Variants in TCF20 observed in about 807,000 individuals in gnomAD.
TCF20 encodes the protein transcription factor 20.
Under a neutral mutation model 148.6 loss-of-function variants are expected in TCF20, and 3 were observed. The ratio of observed to expected loss-of-function variants is 0.02; its 90% confidence interval spans 0.01 to 0.05. The LOEUF is 0.05. Among genes scored for constraint, TCF20 ranks in the 10% least tolerant of loss-of-function variants. The pLI, the probability that TCF20 is intolerant of heterozygous loss-of-function variation, is 1.00. For synonymous variants in TCF20, 1,049 were observed against 909.5 expected (o/e 1.15, Z -2.76); for missense variants, 2,350 against 2,429.3 (o/e 0.97, Z 0.69).
rs142330661 is a variant in TCF20, at chr22:42,210,737, C to T, written c.4569G>A (p.Pro1523=). 166 of 1,614,188 alleles carry T rather than the reference C, an allele frequency of 1.0e-4. No individual in the cohort carries two copies. The highest frequency in any genetic ancestry group is 5.7e-4 in the Admixed American group (34 of 60,024). ...EKENDTVTIS[P]KQEGFPPKGY... The stretch of plus-strand genomic sequence containing the variant: ...CCTTTGGAGGGAAACCCTCTTGCTT[C>T]GGTGAAATCGTCACTGTATCGTTCT... The change falls in exon 2 of 6, where the codon CCG becomes CCA. Residue 1523 remains proline (P), a synonymous_variant. Transcript: ENST00000677622. The surrounding 1 kb of genome is among the most constrained non-coding windows in gnomAD (Gnocchi z 4.7).
intron 1 of TCF20, among the ~76,000 whole-genome samples, chr22:42,339,823 G>C (rs1372900143): frequency 6.6e-6 from 1 of 152,212 alleles, no homozygotes. Context: ...GATGCTCACG[G>C]AGCCAGCCTG....
intron 1 of TCF20, among the ~76,000 whole-genome samples, chr22:42,235,045 G>A (rs903315746): frequency 6.6e-6 from 1 of 151,890 alleles, no homozygotes; most frequent in African/African-American, 2.4e-5. Context: ...GGGAGGCTGA[G>A]GCAGGAGAAT....
At chr22:42,167,501 G>A (rs1935859558) in intron 5 of TCF20, among the ~76,000 whole-genome samples, 1 of 151,824 alleles carries the variant, frequency 6.6e-6, no homozygotes, top group Admixed American at 6.6e-5. Context: ...TCCTGTAGCA[G>A]CAAGTGCCAC....
rs559584199 is a variant in TCF20 at position 42,189,886 on chromosome 22, CAA to C, written c.5656-10186_5656-10185del. Among the ~76,000 whole-genome samples, 24 of 152,140 alleles carry C rather than the reference CAA, an allele frequency of 1.6e-4. 1 individual carries two copies. The South Asian group carries it at 5.0e-3, about 32-fold the overall frequency. ...ACCTCAAATTTAGGCAGTCTAAAAA[CAA>C]AGACAAGAAATAAGGAAAAGAGAGA... On this transcript the variant is annotated intron_variant, in intron 2 of 5. Transcript: ENST00000677622.
rs1160041530 is a variant in TCF20 at position 42,270,622 on chromosome 22, T to TC, written c.-321dup. Reference sequence around the variant, plus strand: ...GAAAGCGGCTGGGCTCGGGGTTTTTTCTCTCCATTCTCCCAACACACAGGA... The same window carrying TC: ...GAAAGCGGCTGGGCTCGGGGTTTTTTCCTCTCCATTCTCCCAACACACAGGA... On this transcript the variant is annotated 5_prime_UTR_variant, in exon 1 of 6. The change abolishes the stop of an existing upstream ORF in the 5' untranslated region. Transcript: ENST00000677622. Among the ~76,000 whole-genome samples, 1 of 142,558 alleles carries TC rather than the reference T, an allele frequency of 7.0e-6. No homozygotes were observed. Among genetic ancestry groups the TC allele is most frequent in the African/African-American group, 2.5e-5 (1 of 39,582 alleles). 93.5% of individuals were successfully genotyped at this position (142,558 alleles called of 152,430 possible). A position where few individuals can be genotyped will look rare whatever the true frequency, so the allele number is the denominator to read the frequency against.
intron 1 of TCF20, among the ~76,000 whole-genome samples, chr22:42,333,835 TC>T (rs1203401113): frequency 6.6e-6 from 1 of 152,124 alleles, no homozygotes; most frequent in African/African-American, 2.4e-5. Flanking sequence ...GCCTAGGGCT[TC>T]CCTCTAGGAG....
At chr22:42,262,418 G>C (rs1325709261) in intron 1 of TCF20, among the ~76,000 whole-genome samples, 1 of 152,112 alleles carries the variant, frequency 6.6e-6, no homozygotes, top group African/African-American at 2.4e-5. Flanking sequence ...CCGGGTAAAC[G>C]GTAGAGCCCC....
intron 1 of TCF20, among the ~76,000 whole-genome samples, chr22:42,308,268 A>G (rs1927470938): frequency 1.3e-5 from 2 of 152,120 alleles, no homozygotes; most frequent in South Asian, 2.1e-4. Flanking sequence ...TTGGACGTGA[A>G]GCAAGTGAGA....
Position 42,213,306 on chromosome 22 carries a change from T to A in TCF20, c.2000A>T (p.Lys667Met). The change falls in exon 2 of 6, where the codon AAG (lysine) becomes ATG (methionine). Residue 667 changes from lysine (K) to methionine (M), a missense_variant. Lys to Met is a moderately conservative substitution (Grantham distance 95). This residue lies in a region of TCF20 where 1,641 missense variants were observed against 1,662.6 expected (regional missense o/e 0.99). Transcript: ENST00000677622. ...PPGGGGSKGNKNGDNNSNHNG... is the reference protein window; with the variant it reads ...PPGGGGSKGNMNGDNNSNHNG... Reference sequence around the variant, plus strand: ...ATGGTTGGAGTTGTTATCGCCATTCTTGTTTCCTTTGCTCCCTCCTCCTCC... The same window carrying A: ...ATGGTTGGAGTTGTTATCGCCATTCATGTTTCCTTTGCTCCCTCCTCCTCC... The A allele has an allele frequency of 6.2e-7, 1 of 1,614,202 alleles. No individual in the cohort carries two copies. Among genetic ancestry groups the A allele is most frequent in the Non-Finnish European group, 8.5e-7 (1 of 1,180,050 alleles).
At chr22:42,333,001 C>T (rs1365320039) in intron 1 of TCF20, among the ~76,000 whole-genome samples, 1 of 152,220 alleles carries the variant, frequency 6.6e-6, no homozygotes, top group African/African-American at 2.4e-5. Context: ...GGAGGCTGCA[C>T]AGCTACCTAT....
At position 42,326,268 on chromosome 22, in the gene TCF20, C is replaced by T. The variant is rs367963841; in HGVS notation, c.-37+17211G>A. Among the ~76,000 whole-genome samples the T allele has an allele frequency of 1.4e-4, 21 of 152,312 alleles. No homozygotes were observed. In the East Asian group the frequency reaches 2.7e-3, roughly 20 times the overall value. On this transcript the variant is annotated intron_variant, in intron 1 of 1. Coordinates refer to the TCF20 transcript ENST00000515426. ...ACCTGAGGCCTCTGTTTCTATTGCACTGCAGCCCAACCTCACCCTCTGCCC... is the reference window on the plus strand; with the variant it reads ...ACCTGAGGCCTCTGTTTCTATTGCATTGCAGCCCAACCTCACCCTCTGCCC...
Position 42,214,253 on chromosome 22 carries a change from C to A in TCF20, c.1053G>T (p.Glu351Asp). 2 of 1,614,196 alleles carry A rather than the reference C, an allele frequency of 1.2e-6. No homozygotes were observed. The highest frequency in any genetic ancestry group is 8.5e-7 in the Non-Finnish European group (1 of 1,180,042). The stretch of plus-strand genomic sequence containing the variant: ...ACTGCATGGGGGACCTCACAGGAAC[C>A]TCAGGCTGGTTGTACTGCCCCACTT... ...QSQVGQYNQP[E>D]VPVRSPMQFH... Residue 351 changes from glutamate to aspartate, a missense_variant, in exon 2 of 6, where the codon GAG becomes GAT. Glu to Asp is a conservative substitution (Grantham distance 45). Around this residue, in one of 7 missense-constraint regions of TCF20, gnomAD observed 1,641 missense variants for 1,662.6 expected, o/e 0.99. Coordinates refer to ENST00000677622, the MANE Select transcript of TCF20 (RefSeq NM_001378418.1).
At chr22:42,263,840 G>T (rs1926146277) in intron 1 of TCF20, among the ~76,000 whole-genome samples, 1 of 152,126 alleles carries the variant, frequency 6.6e-6, no homozygotes, top group Admixed American at 6.5e-5. Context: ...GAGCCACTGT[G>T]AACTATGCTG....
rs145996226 is a variant in TCF20 at position 42,173,521 on chromosome 22, T to C, written c.5750-3625A>G. The stretch of plus-strand genomic sequence containing the variant: ...GTTGACAGCAAGGCAGAGATGAAAA[T>C]GTTAAACTGCTCTTTACTCCATAAG... On this transcript the variant is annotated intron_variant, in intron 3 of 5. Transcript: ENST00000677622. Among the ~76,000 whole-genome samples, 1,105 of 152,264 alleles carry C rather than the reference T, an allele frequency of 7.3e-3. 3 individuals are homozygous for C. Among genetic ancestry groups the C allele is most frequent in the Non-Finnish European group, 0.012 (802 of 68,010 alleles).
rs59845847 is a variant in TCF20 at position 42,199,706 on chromosome 22, CAAAAAAAA to C, written c.5655+9937_5655+9944del. On this transcript the variant is annotated intron_variant, in intron 2 of 5. Coordinates refer to ENST00000677622, the MANE Select transcript of TCF20 (RefSeq NM_001378418.1). ...CTAACATGGCAAAACCCCATCTCTA[CAAAAAAAA>C]AAAAAAAAAAAAAAAAAAAAAAATT... is the stretch of plus-strand genomic sequence containing the variant. 8.0e-4 allele frequency among the ~76,000 whole-genome samples: 27 copies of C among 33,866 alleles called. No individual in the cohort carries two copies. In the East Asian group the frequency reaches 1.0e-2, roughly 13 times the overall value. The allele number at this position is 33,866 out of a possible 152,430, so 22.2% of individuals were successfully genotyped here.
intron 1 of TCF20, among the ~76,000 whole-genome samples, chr22:42,220,322 C>T (rs1464317447): frequency 6.6e-6 from 1 of 152,142 alleles, no homozygotes; most frequent in Admixed American, 6.5e-5. Flanking sequence ...CATGGGACCC[C>T]TGGCTAATTT....
At chr22:42,301,114 C>T (rs916089776) in intron 1 of TCF20, among the ~76,000 whole-genome samples, 1 of 151,916 alleles carries the variant, frequency 6.6e-6, no homozygotes, top group East Asian at 1.9e-4. Flanking sequence ...TAAATGGCTG[C>T]TGGAAGCCAG....
intron 1 of TCF20, among the ~76,000 whole-genome samples, chr22:42,231,408 G>GGA (rs1220305533): frequency 6.6e-6 from 1 of 152,152 alleles, no homozygotes; most frequent in Non-Finnish European, 1.5e-5. Context: ...CTTGAGCCCA[G>GGA]GAGTTTGAGG....
At chr22:42,230,695 T>C (rs775306709) in intron 1 of TCF20, among the ~76,000 whole-genome samples, 1 of 151,918 alleles carries the variant, frequency 6.6e-6, no homozygotes, top group Non-Finnish European at 1.5e-5. Context: ...TAGGAGATGA[T>C]AGCTCCATGT....
Sources: gnomAD v4.1 joint callset for allele counts (sites outside exome capture counted in the v4.1 genomes callset) on GRCh38, gnomAD v4.1.1 for gene constraint, gnomAD v4.1.1 regional missense constraint, Gnocchi (gnomAD v3.1) non-coding constraint, MANE v1.5 for transcripts, NCBI Gene and HGNC (gene_info 2026-07-23, HGNC 2026-07-21) for gene names.